The following ST3GAL3 variants were observed in gnomAD, a reference collection of about 807,000 sequenced individuals.
The protein encoded by ST3GAL3 is CMP-N-acetylneuraminate-beta-1,4-galactoside alpha-2,3-sialyltransferase.
In ST3GAL3, 21 loss-of-function variants were observed where a neutral mutation model predicts 50.1. The observed-to-expected ratio is 0.42, with a 90% CI of 0.30 to 0.60. The LOEUF (loss-of-function observed/expected upper bound fraction) is 0.60. Ranked by LOEUF, ST3GAL3 falls within the 20% of genes least tolerant of loss-of-function variation. The probability of loss-of-function intolerance (pLI) is 0.19; values close to 1 mark genes in which losing one functional copy is unlikely to be tolerated. For synonymous variants in ST3GAL3, 183 were observed against 190.0 expected, an observed-to-expected ratio of 0.96 and a Z score of 0.30; for missense variants, 353 against 489.4, an observed-to-expected ratio of 0.72 and a Z score of 2.63.
chr1:43,887,958 G>A (rs1194506804), intron 5 of ST3GAL3, among the ~76,000 whole-genome samples: 2 of 152,116 alleles, frequency 1.3e-5, no homozygotes, highest in African/African-American at 4.8e-5. Context: ...AGAGAAGGAG[G>A]AGGAGGAAGA....
At chr1:43,918,120 T>TC (rs1553137490) in intron 9 of ST3GAL3, among the ~76,000 whole-genome samples, 1 of 7,468 alleles carries the variant, frequency 1.3e-4, no homozygotes. Flanking sequence ...TTTCTTTCTC[T>TC]TTTTTTTTTT....
At chr1:43,871,613 A>G (rs533356417) in intron 5 of ST3GAL3, among the ~76,000 whole-genome samples, 4 of 91,802 alleles carry the variant, frequency 4.4e-5, no homozygotes, top group East Asian at 3.8e-4. Flanking sequence ...GAGGGAGAAG[A>G]TGGGATGTGA....
chr1:43,794,095 A>C (rs2058412889), intron 3 of ST3GAL3, among the ~76,000 whole-genome samples: 1 of 151,956 alleles, frequency 6.6e-6, no homozygotes, highest in Non-Finnish European at 1.5e-5. Context: ...GGAAAAAAAA[A>C]AAAAAAAAGA....
intron 2 of ST3GAL3, among the ~76,000 whole-genome samples, chr1:43,771,592 T>C (rs1167027003): frequency 2.6e-5 from 4 of 152,100 alleles, no homozygotes; most frequent in African/African-American, 9.7e-5. Context: ...CTCCTGACCT[T>C]GTGATCTGCC....
chr1:43,877,380 A>G (rs2074313796), intron 5 of ST3GAL3, among the ~76,000 whole-genome samples: 1 of 152,040 alleles, frequency 6.6e-6, no homozygotes, highest in South Asian at 2.1e-4. Flanking sequence ...GAGTTGGCTC[A>G]CCCTTCTCAC....
intron 5 of ST3GAL3, among the ~76,000 whole-genome samples, chr1:43,884,246 C>T (rs2154259093): frequency 6.6e-6 from 1 of 152,238 alleles, no homozygotes; most frequent in South Asian, 2.1e-4. Context: ...TTGGTTGGCA[C>T]CTGATGTTTG....
At chr1:43,792,704 A>G (rs16831205) in intron 3 of ST3GAL3, among the ~76,000 whole-genome samples, 7,598 of 152,240 alleles carry the variant, frequency 0.05, 618 homozygotes, top group African/African-American at 0.17. Context: ...TTCCCTGTTT[A>G]CAGTGCAGGA....
At chr1:43,897,406 A>C (rs572606767) in intron 6 of ST3GAL3, among the ~76,000 whole-genome samples, 1 of 152,334 alleles carries the variant, frequency 6.6e-6, no homozygotes, top group Admixed American at 6.5e-5. Flanking sequence ...AGCTCAAAGA[A>C]AGGAAATGAT....
intron 5 of ST3GAL3, among the ~76,000 whole-genome samples, chr1:43,878,381 A>C (rs1354228951): frequency 6.6e-6 from 1 of 152,228 alleles, no homozygotes; most frequent in African/African-American, 2.4e-5. Context: ...CCACAAGATA[A>C]ATGCCATGGG....
intron 3 of ST3GAL3, 79 bp from the exon 4 acceptor site, chr1:43,814,812 G>A (rs2061037298): frequency 1.5e-6 from 2 of 1,360,310 alleles, no homozygotes; most frequent in East Asian, 2.3e-5. Context: ...CTGTCCCTGT[G>A]GTCTAGGTCT....
intron 2 of ST3GAL3, among the ~76,000 whole-genome samples, chr1:43,785,492 G>C (rs929055042): frequency 1.3e-5 from 2 of 152,180 alleles, no homozygotes; most frequent in African/African-American, 4.8e-5. Flanking sequence ...GGCCTTCTGG[G>C]AACTGAAGAA....
At chr1:43,815,930 G>C (rs906517624) in intron 4 of ST3GAL3, among the ~76,000 whole-genome samples, 1 of 150,640 alleles carries the variant, frequency 6.6e-6, no homozygotes, top group Non-Finnish European at 1.5e-5. Context: ...TGGATGGATG[G>C]ATGATGGTAG....
At chr1:43,736,188 AGAT>A (rs1487951456) in intron 1 of ST3GAL3, 42 bp from the exon 2 acceptor site, 1 of 1,533,650 alleles carries the variant, frequency 6.5e-7, no homozygotes, top group Admixed American at 1.7e-5. Context: ...TATATCAATA[AGAT>A]GAGTGCTTTG....
At chr1:43,730,571 C>CTTTTTTTTTTTTTTTTT (rs11318191) in intron 1 of ST3GAL3, among the ~76,000 whole-genome samples, 1 of 122,388 alleles carries the variant, frequency 8.2e-6, no homozygotes, top group East Asian at 2.3e-4. Flanking sequence ...TCTTTTCTTT[C>CTTTTTTTTTTTTTTTTT]TTTTTTTTTT....
intron 2 of ST3GAL3, among the ~76,000 whole-genome samples, chr1:43,782,649 A>T (rs1308550201): frequency 6.6e-6 from 1 of 152,188 alleles, no homozygotes; most frequent in African/African-American, 2.4e-5. Context: ...GCTGATGATA[A>T]AAACACTAAC....
chr1:43,818,013 C>T (rs1319739342), intron 4 of ST3GAL3, among the ~76,000 whole-genome samples: 1 of 151,920 alleles, frequency 6.6e-6, no homozygotes, highest in Non-Finnish European at 1.5e-5. Flanking sequence ...AGGATTACAG[C>T]TGTAAGCCAC....
Position 43,719,796 on chromosome 1 carries a change from G to A in ST3GAL3, c.-31+12103G>A, listed in dbSNP as rs966848683. ...AAAAATACAAAAATTAGCCGGGTAT[G>A]GTGGCATATGCCTGTAATCCCAGCT... On this transcript the variant is annotated intron_variant, in intron 1 of 11. Coordinates refer to ENST00000347631, the MANE Select transcript of ST3GAL3 (RefSeq NM_006279.5). Among the ~76,000 whole-genome samples, 17 of 152,092 alleles carry A rather than the reference G, an allele frequency of 1.1e-4. No individual in the cohort carries two copies. In the East Asian group the frequency reaches 3.3e-3, roughly 29 times the overall value.
At chr1:43,709,864 A>T (rs1343124645) in intron 1 of ST3GAL3, among the ~76,000 whole-genome samples, 1 of 151,972 alleles carries the variant, frequency 6.6e-6, no homozygotes, top group East Asian at 1.9e-4. Flanking sequence ...GAAAGAAAGA[A>T]ATCCTCCACC....
In ST3GAL3 at chr1:43,722,398, G is replaced by A. The variant is rs146797798; in HGVS notation, c.-30-13835G>A. On this transcript the variant is annotated intron_variant, in intron 1 of 11. Transcript: ENST00000347631. ...GAGATGTGGAGGAGAGGTGGGAAGGGGCCAGATGTCTAGGCTTTGTTTAAG... is the reference window on the plus strand; with the variant it reads ...GAGATGTGGAGGAGAGGTGGGAAGGAGCCAGATGTCTAGGCTTTGTTTAAG... Among the ~76,000 whole-genome samples the A allele has an allele frequency of 3.9e-4, 59 of 152,266 alleles. No individual in the cohort carries two copies. In the East Asian group the frequency reaches 0.01, roughly 27 times the overall value.
Sources: allele counts gnomAD v4.1 joint callset (sites outside exome capture counted in the v4.1 genomes callset), GRCh38; gene constraint gnomAD v4.1.1; transcripts MANE v1.5; gene names NCBI Gene and HGNC (gene_info 2026-07-23, HGNC 2026-07-21).